TUFT1: variants seen among roughly 807,000 people sequenced by gnomAD.
TUFT1 encodes tuftelin 1, also known as tuftelin.
Under a neutral mutation model 57.8 loss-of-function variants are expected in TUFT1, and 43 were observed. The ratio of observed to expected loss-of-function variants is 0.74; its 90% CI spans 0.58 to 0.96. TUFT1 has a LOEUF of 0.96. Ranked by LOEUF, TUFT1 falls within the 40% of genes least tolerant of loss-of-function variation. The probability of loss-of-function intolerance (pLI) is 0.00; values close to 1 mark genes in which losing one functional copy is unlikely to be tolerated. For missense variants in TUFT1, 459 were observed against 489.0 expected, an observed-to-expected ratio of 0.94 and a Z score of 0.58; for synonymous variants, 166 against 176.7, an observed-to-expected ratio of 0.94 and a Z score of 0.48.
intron 6 of TUFT1, among the ~76,000 whole-genome samples, chr1:151,566,813 A>G (rs1306123433): frequency 6.6e-6 from 1 of 152,050 alleles, no homozygotes; most frequent in Non-Finnish European, 1.5e-5. Context: ...TTAACTAAAG[A>G]GTATATTATA....
chr1:151,564,647 C>T lies in TUFT1; in HGVS notation c.414+33C>T, dbSNP rs1388760129. 3.2e-6 allele frequency: 5 copies of T among 1,576,532 alleles called. No individual in the cohort carries two copies. In the African/African-American group the frequency reaches 4.0e-5, roughly 13 times the overall value. ...GAAATGGTCCATGGTTGGGTCCCCA[C>T]CGAGGAGGTGGGGTTGTGCCAGGCA... On this transcript the variant is annotated intron_variant, in intron 5 of 12. Coordinates refer to ENST00000368849, the MANE Select transcript of TUFT1 (RefSeq NM_020127.3).
intron 9 of TUFT1, among the ~76,000 whole-genome samples, chr1:151,577,526 A>C (rs779976163): frequency 9.8e-5 from 15 of 152,296 alleles, no homozygotes; most frequent in Non-Finnish European, 1.5e-4. Flanking sequence ...ACCGGGACAG[A>C]GACCCATTAT....
chr1:151,553,154 C>T (rs937469360), intron 1 of TUFT1, among the ~76,000 whole-genome samples: 9 of 151,944 alleles, frequency 5.9e-5, no homozygotes, highest in Non-Finnish European at 1.0e-4. Context: ...TGCAGTGGCA[C>T]GATCTTGGCT....
intron 9 of TUFT1, among the ~76,000 whole-genome samples, chr1:151,576,379 A>T (rs1478938136): frequency 6.6e-6 from 1 of 152,132 alleles, no homozygotes; most frequent in Admixed American, 6.5e-5. Context: ...CCAATTCTCA[A>T]TTGATACCAG....
At chr1:151,563,832 A>G in intron 3 of TUFT1, 72 bp from the exon 4 acceptor site, 1 of 1,334,356 alleles carries the variant, frequency 7.5e-7, no homozygotes. Flanking sequence ...CACCAGCACT[A>G]TATGAAGCTG....
At chr1:151,581,297 T>A (rs1011812787) in intron 12 of TUFT1, among the ~76,000 whole-genome samples, 1 of 152,166 alleles carries the variant, frequency 6.6e-6, no homozygotes, top group Admixed American at 6.5e-5. Context: ...AAAATTTAGT[T>A]ATAATGTTTG....
At chr1:151,547,119 C>T (rs186521428) in intron 1 of TUFT1, among the ~76,000 whole-genome samples, 1 of 152,320 alleles carries the variant, frequency 6.6e-6, no homozygotes, top group Admixed American at 6.5e-5. Context: ...TAAATTTCTC[C>T]TCACACCATC....
intron 1 of TUFT1, among the ~76,000 whole-genome samples, chr1:151,555,107 C>T (rs977714466): frequency 1.4e-5 from 2 of 147,974 alleles, no homozygotes; most frequent in East Asian, 4.1e-4. Context: ...GCGGGTGGAT[C>T]ACATGAGGTC....
chr1:151,545,247 T>C (rs1571682893), intron 1 of TUFT1, among the ~76,000 whole-genome samples: 1 of 151,768 alleles, frequency 6.6e-6, no homozygotes, highest in Non-Finnish European at 1.5e-5. Context: ...GAGGTGGCGG[T>C]TGCAGTGAGC....
intron 7 of TUFT1, 158 bp downstream of exon 7, chr1:151,569,928 C>T (rs1666204702): frequency 1.6e-6 from 1 of 625,644 alleles, no homozygotes; most frequent in Admixed American, 2.7e-5. Context: ...GCTTTTCCCT[C>T]TCCTGGACGT....
chr1:151,543,034 G>C (rs1160636057), intron 1 of TUFT1, among the ~76,000 whole-genome samples: 1 of 152,206 alleles, frequency 6.6e-6, no homozygotes, highest in African/African-American at 2.4e-5. Context: ...CTGGGAGTGA[G>C]GGCCCTGGGA....
intron 1 of TUFT1, among the ~76,000 whole-genome samples, chr1:151,559,562 A>G (rs527985305): frequency 1.3e-5 from 2 of 152,220 alleles, no homozygotes; most frequent in Non-Finnish European, 1.5e-5. Flanking sequence ...GATGGTAGCA[A>G]GAGGTGTGAG....
In TUFT1 at chr1:151,569,681, G is replaced by A. The variant is rs1666191497; in HGVS notation, c.505G>A (p.Val169Ile). Reference protein sequence around the residue: ...PEVDTCINEDVESLRKTVQDL... With the variant: ...PEVDTCINEDIESLRKTVQDL... ...GGTGGACACCTGTATAAATGAGGATGTTGAGAGCTTGAGGAAGACGGTGCA... is the reference window on the plus strand; with the variant it reads ...GGTGGACACCTGTATAAATGAGGATATTGAGAGCTTGAGGAAGACGGTGCA... Residue 169 changes from valine to isoleucine, a missense_variant, in exon 7 of 13, where the codon GTT becomes ATT. Coordinates refer to ENST00000368849, the MANE Select transcript of TUFT1 (RefSeq NM_020127.3). 6.2e-7 allele frequency: 1 copy of A among 1,613,842 alleles called. No individual in the cohort carries two copies. The highest frequency in any genetic ancestry group is 1.3e-5 in the African/African-American group (1 of 74,912).
intron 1 of TUFT1, chr1:151,546,003 CT>C (rs34362343): frequency 0.22 from 45,439 of 202,028 alleles, 3,354 homozygotes; most frequent in South Asian, 0.28. Context: ...GCATTTTTTT[CT>C]TTTTTTTTTT....
Position 151,569,770 on chromosome 1 carries a change from G to A in TUFT1, c.594G>A (p.Glu198=), listed in dbSNP as rs780635129. 6.2e-6 allele frequency: 10 copies of A among 1,613,418 alleles called. No homozygotes were observed. Among genetic ancestry groups the A allele is most frequent in the Admixed American group, 5.0e-5 (3 of 59,980 alleles). ...RQHQSDCVAF[E]VTLSRYQREA... ...ACCAGTCAGACTGTGTGGCTTTTGA[G>A]GTGAGATTTGGGATTTGGGGAGAAG... is the stretch of plus-strand genomic sequence containing the variant. The change falls in exon 7 of 13, where the codon GAG becomes GAA. Residue 198 remains glutamate, a splice_region_variant and synonymous_variant. Transcript: ENST00000368849.
At chr1:151,576,920 T>C (rs927788879) in intron 9 of TUFT1, among the ~76,000 whole-genome samples, 5 of 152,130 alleles carry the variant, frequency 3.3e-5, no homozygotes, top group Admixed American at 3.3e-4. Flanking sequence ...CCACCGCGCC[T>C]GGACTACTTA....
At chr1:151,571,125 T>C (rs1322066487) in intron 7 of TUFT1, among the ~76,000 whole-genome samples, 1 of 152,244 alleles carries the variant, frequency 6.6e-6, no homozygotes, top group Non-Finnish European at 1.5e-5. Flanking sequence ...ATAGCCTGCC[T>C]AGGCATGCTA....
At position 151,550,387 on chromosome 1, in the gene TUFT1, C is replaced by T. The variant is rs144782292; in HGVS notation, c.60+9961C>T. On this transcript the variant is annotated intron_variant, in intron 1 of 12. Transcript: ENST00000368849. ...TGAGACAGAGTCTCACTCTGTCACC[C>T]AGGCTGGAGTGCAATGGCGTGATCT... Among the ~76,000 whole-genome samples the T allele has an allele frequency of 7.5e-3, 1,141 of 152,144 alleles. 41 individuals carry two copies. In the East Asian group the frequency reaches 0.11, roughly 15 times the overall value.
chr1:151,579,766 G>A, intron 11 of TUFT1, 34 bp downstream of exon 11: 1 of 1,594,968 alleles, frequency 6.3e-7, no homozygotes, highest in Non-Finnish European at 8.6e-7. Context: ...AGGGGAACAG[G>A]ACTCTTGAAG....
Sources: gnomAD v4.1 joint callset for allele counts (sites outside exome capture counted in the v4.1 genomes callset) on GRCh38, gnomAD v4.1.1 for gene constraint, MANE v1.5 for transcripts, NCBI Gene and HGNC (gene_info 2026-07-23, HGNC 2026-07-21) for gene names.